Variants in ADCY9 observed in about 807,000 individuals in gnomAD.
The protein encoded by ADCY9 is adenylate cyclase type 9.
ADCY9 carries 50 observed loss-of-function variants against 101.5 expected under a neutral mutation model. The observed-to-expected ratio is 0.49, with a 90% CI of 0.39 to 0.62. The LOEUF (loss-of-function observed/expected upper bound fraction) is 0.62. Ranked by LOEUF, ADCY9 falls within the 20% of genes least tolerant of loss-of-function variation. The pLI, the probability that ADCY9 is intolerant of heterozygous loss-of-function variation, is 0.00. For synonymous variants in ADCY9, 905 were observed against 769.3 expected (o/e 1.18, Z -2.92); for missense variants, 1,662 against 1,800.4 (o/e 0.92, Z 1.39).
At chr16:3,989,140 A>G (rs2072341) in intron 5 of ADCY9, 44 bp from the exon 6 acceptor site, 1,297,077 of 1,393,046 alleles carry the variant, frequency 0.93, 604,841 homozygotes, top group Non-Finnish European at 0.94. Context: ...CCAGCACCAT[A>G]ACTGTGCCAA....
At chr16:4,057,989 T>C (rs7185765) in intron 2 of ADCY9, among the ~76,000 whole-genome samples, 20,781 of 151,146 alleles carry the variant, frequency 0.14, 1,459 homozygotes, top group Middle Eastern at 0.2. Context: ...TGAAACCCCA[T>C]CTCTACTAAA....
chr16:3,965,637 C>G lies in ADCY9; in HGVS notation c.*138G>C. On this transcript the variant is annotated 3_prime_UTR_variant, in exon 11 of 11. Coordinates refer to ENST00000294016, the MANE Select transcript of ADCY9 (RefSeq NM_001116.4). ...GAACCCTGAATAACTGTGATCCACA[C>G]AGAAGTTAGGGCTGAAATGACCACA... The G allele has an allele frequency of 1.3e-6, 1 of 743,780 alleles. No individual in the cohort carries two copies. Among genetic ancestry groups the G allele is most frequent in the Non-Finnish European group, 2.2e-6 (1 of 462,664 alleles). The allele number at this position is 743,780 out of a possible 1,614,324, so 46.1% of individuals were successfully genotyped here.
At chr16:4,022,470 AC>A (rs1216989275) in intron 2 of ADCY9, among the ~76,000 whole-genome samples, 2 of 118,346 alleles carry the variant, frequency 1.7e-5, no homozygotes, top group African/African-American at 6.3e-5. Context: ...CAGCCTGGGC[AC>A]CAGAGCGAGA....
intron 2 of ADCY9, among the ~76,000 whole-genome samples, chr16:4,021,262 G>A (rs903298311): frequency 1.3e-5 from 2 of 152,212 alleles, no homozygotes; most frequent in African/African-American, 4.8e-5. Context: ...AACTAGGCCT[G>A]AAGCCACAGT....
intron 2 of ADCY9, among the ~76,000 whole-genome samples, chr16:4,103,177 T>C (rs112862364): frequency 0.022 from 3,349 of 152,356 alleles, 116 homozygotes; most frequent in African/African-American, 0.075. Context: ...ACAACTCCAA[T>C]TGGCGTTGTT....
intron 2 of ADCY9, among the ~76,000 whole-genome samples, chr16:4,100,589 C>T (rs1490051185): frequency 1.3e-5 from 2 of 151,968 alleles, no homozygotes; most frequent in South Asian, 2.1e-4. Flanking sequence ...CCTCAGCCTC[C>T]GAAAGTGCTG....
intron 2 of ADCY9, among the ~76,000 whole-genome samples, chr16:4,094,402 A>G (rs532532787): frequency 6.6e-6 from 1 of 152,202 alleles, no homozygotes; most frequent in Non-Finnish European, 1.5e-5. Context: ...GTGTTTTCCC[A>G]TCAGCCGTGC....
chr16:4,017,461 T>C (rs974953800), intron 2 of ADCY9, among the ~76,000 whole-genome samples: 3 of 149,018 alleles, frequency 2.0e-5, no homozygotes, highest in Non-Finnish European at 4.4e-5. Context: ...CTGACCAACA[T>C]GGTAAAACCC....
chr16:4,095,007 ATTTTTTT>A (rs34980572), intron 2 of ADCY9, among the ~76,000 whole-genome samples: 46 of 128,834 alleles, frequency 3.6e-4, no homozygotes, highest in Admixed American at 1.1e-3. Context: ...ATGACATTTA[ATTTTTTT>A]TTTTTTTTTT....
chr16:4,078,038 T>C (rs1341445368), intron 2 of ADCY9, among the ~76,000 whole-genome samples: 1 of 152,012 alleles, frequency 6.6e-6, no homozygotes, highest in African/African-American at 2.4e-5. Flanking sequence ...AGCATTCAAT[T>C]AAGTGTCCAG....
intron 2 of ADCY9, among the ~76,000 whole-genome samples, chr16:4,065,525 G>A (rs1033374775): frequency 3.9e-5 from 6 of 152,132 alleles, no homozygotes; most frequent in African/African-American, 7.2e-5. Flanking sequence ...GTCGAATGTC[G>A]CACGTCAATG....
At chr16:4,065,029 T>G (rs952523700) in intron 2 of ADCY9, among the ~76,000 whole-genome samples, 3 of 152,204 alleles carry the variant, frequency 2.0e-5, no homozygotes, top group African/African-American at 4.8e-5. Flanking sequence ...AGGCATTCGC[T>G]GCAGCCATGC....
intron 2 of ADCY9, among the ~76,000 whole-genome samples, chr16:4,088,995 C>T (rs2056956674): frequency 6.6e-6 from 1 of 152,040 alleles, no homozygotes; most frequent in Non-Finnish European, 1.5e-5. Context: ...TCAGTTTCCC[C>T]AGCCCTGGCC....
At chr16:4,022,457 C>T (rs1597171494) in intron 2 of ADCY9, among the ~76,000 whole-genome samples, 1 of 143,622 alleles carries the variant, frequency 7.0e-6, no homozygotes, top group Non-Finnish European at 1.5e-5. Flanking sequence ...CACCACTGCA[C>T]TCCAGCCTGG....
Position 4,012,702 on chromosome 16 carries a change from C to T in ADCY9, c.1694-5144G>A, listed in dbSNP as rs373970711. On this transcript the variant is annotated intron_variant, in intron 2 of 10. Coordinates refer to ENST00000294016, the MANE Select transcript of ADCY9 (RefSeq NM_001116.4). ...CTATGGCTGTGTGCGTGGAGGTTAA[C>T]GCAGTTAACGTTCTTAAGTATTCTT... Among the ~76,000 whole-genome samples the T allele has an allele frequency of 3.9e-5, 6 of 152,126 alleles. No homozygotes were observed. In the South Asian group the frequency reaches 6.2e-4, roughly 16 times the overall value.
intron 2 of ADCY9, among the ~76,000 whole-genome samples, chr16:4,103,057 C>T (rs930214895): frequency 6.6e-6 from 1 of 152,176 alleles, no homozygotes; most frequent in African/African-American, 2.4e-5. Context: ...TGAACATGAG[C>T]AACAAAGATT....
Position 4,013,918 on chromosome 16 carries a change from A to T in ADCY9, c.1694-6360T>A, listed in dbSNP as rs540051780. On this transcript the variant is annotated intron_variant, in intron 2 of 10. Coordinates refer to ENST00000294016, the MANE Select transcript of ADCY9 (RefSeq NM_001116.4). ...TAAGTCCTTCCTACTCATATGCACC[A>T]TAAATAATCATAAGAACTGATTTGT... Among the ~76,000 whole-genome samples the T allele has an allele frequency of 2.0e-5, 3 of 152,340 alleles. No individual in the cohort carries two copies. In the South Asian group the frequency reaches 6.2e-4, roughly 32 times the overall value.
At position 4,097,923 on chromosome 16, in the gene ADCY9, C is replaced by T. The variant is rs754667076; in HGVS notation, c.1693+15827G>A. On this transcript the variant is annotated intron_variant, in intron 2 of 10. Transcript: ENST00000294016. ...ATTATATGCCTGGCTATATTCCCAGCGCTAGGAACACAGCAGGAAGTAAAA... is the reference window on the plus strand; with the variant it reads ...ATTATATGCCTGGCTATATTCCCAGTGCTAGGAACACAGCAGGAAGTAAAA... Among the ~76,000 whole-genome samples the T allele has an allele frequency of 1.1e-4, 16 of 152,044 alleles. No homozygotes were observed. In the South Asian group the frequency reaches 2.9e-3, roughly 28 times the overall value.
intron 2 of ADCY9, among the ~76,000 whole-genome samples, chr16:4,028,337 C>T (rs2056531651): frequency 1.3e-5 from 2 of 152,118 alleles, no homozygotes; most frequent in African/African-American, 4.8e-5. Context: ...ACAGCCAAGA[C>T]GTGGGAATAA....
Sources: allele counts gnomAD v4.1 joint callset (sites outside exome capture counted in the v4.1 genomes callset), GRCh38; gene constraint gnomAD v4.1.1; transcripts MANE v1.5; gene names NCBI Gene and HGNC (gene_info 2026-07-23, HGNC 2026-07-21).